MCC: variants seen among roughly 807,000 people sequenced by gnomAD.
MCC encodes colorectal mutant cancer protein.
A neutral mutation model predicts 116.2 loss-of-function variants in MCC; 90 were observed. That is an observed-to-expected ratio of 0.77 (90% CI 0.65 to 0.92). MCC has a LOEUF of 0.92. MCC is among the 40% of genes least tolerant of loss of function. The pLI, the probability that MCC is intolerant of heterozygous loss-of-function variation, is 0.00. For synonymous variants in MCC, 578 were observed against 510.5 expected (o/e 1.13, Z -1.78); for missense variants, 1,516 against 1,312.2 (o/e 1.16, Z -2.40).
chr5:113,121,438 A>G lies in MCC; in HGVS notation c.1027+1246T>C, dbSNP rs1692476779. Reference sequence around the variant, plus strand: ...CCCCTCTCACACCTCTGTGTCCTCCATCCATGAGGATCTTCAGTCACCTCC... The same window carrying G: ...CCCCTCTCACACCTCTGTGTCCTCCGTCCATGAGGATCTTCAGTCACCTCC... On this transcript the variant is annotated intron_variant, in intron 6 of 18. Transcript: ENST00000408903. Among the ~76,000 whole-genome samples the G allele has an allele frequency of 2.0e-5, 3 of 152,038 alleles. No individual in the cohort carries two copies. In the South Asian group the frequency reaches 6.2e-4, roughly 32 times the overall value.
chr5:113,202,307 G>C (rs562238836), intron 3 of MCC, among the ~76,000 whole-genome samples: 1 of 152,098 alleles, frequency 6.6e-6, no homozygotes, highest in South Asian at 2.1e-4. Flanking sequence ...TATAGGAAAT[G>C]ACTTTTTACT....
intron 3 of MCC, among the ~76,000 whole-genome samples, chr5:113,207,162 T>G (rs2150321808): frequency 6.6e-6 from 1 of 152,296 alleles, no homozygotes; most frequent in African/African-American, 2.4e-5. Flanking sequence ...ATTTGGGGGT[T>G]AGAGACTTTG....
chr5:113,105,627 C>G (rs543388489), intron 6 of MCC, among the ~76,000 whole-genome samples: 1 of 152,160 alleles, frequency 6.6e-6, no homozygotes, highest in African/African-American at 2.4e-5. Flanking sequence ...AAATCCAATT[C>G]ATCTTGTGAC....
At position 113,168,122 on chromosome 5, in the gene MCC, T is replaced by C. The variant is rs1036894284; in HGVS notation, c.628-16700A>G. Among the ~76,000 whole-genome samples, 3 of 152,150 alleles carry C rather than the reference T, an allele frequency of 2.0e-5. No homozygotes were observed. The East Asian group carries it at 5.8e-4, about 29-fold the overall frequency. On this transcript the variant is annotated intron_variant, in intron 3 of 18. Transcript: ENST00000408903. ...AACACACAGGCTTTGAGTATCCTTA[T>C]AAAGCAACAAAGTTATGCTGGATTT... is the stretch of plus-strand genomic sequence containing the variant.
At chr5:113,182,598 GA>G (rs1208416975) in intron 3 of MCC, among the ~76,000 whole-genome samples, 4 of 145,902 alleles carry the variant, frequency 2.7e-5, no homozygotes, top group Admixed American at 1.4e-4. Context: ...CTATCTCAAA[GA>G]AAAAAAAAAG....
At chr5:113,170,467 A>G (rs1343665883) in intron 3 of MCC, among the ~76,000 whole-genome samples, 6 of 152,146 alleles carry the variant, frequency 3.9e-5, no homozygotes, top group African/African-American at 1.4e-4. Context: ...CTGTGGCGTC[A>G]TTAAAGTCCC....
chr5:113,221,131 G>A (rs542878366), intron 3 of MCC, among the ~76,000 whole-genome samples: 10 of 152,358 alleles, frequency 6.6e-5, no homozygotes, highest in Non-Finnish European at 1.2e-4. Context: ...CTGAGCTGGG[G>A]AAGTCAAGGC....
intron 14 of MCC, among the ~76,000 whole-genome samples, chr5:113,059,958 C>G (rs1293870429): frequency 3.9e-5 from 6 of 152,214 alleles, no homozygotes; most frequent in East Asian, 3.9e-4. Flanking sequence ...GTCCTCAAGA[C>G]AGTCCCCCAG....
intron 3 of MCC, among the ~76,000 whole-genome samples, chr5:113,324,897 G>A (rs563907773): frequency 1.2e-3 from 176 of 151,114 alleles, no homozygotes; most frequent in African/African-American, 4.0e-3. Flanking sequence ...CGGTGGTGCA[G>A]TCATAGCTCA....
chr5:113,341,580 T>C (rs975708075), intron 2 of MCC, among the ~76,000 whole-genome samples: 12 of 152,268 alleles, frequency 7.9e-5, no homozygotes, highest in African/African-American at 1.9e-4. Context: ...TTCTGGGCAA[T>C]AGAATATGAA....
chr5:113,221,108 G>A (rs965896554), intron 3 of MCC, among the ~76,000 whole-genome samples: 7 of 152,250 alleles, frequency 4.6e-5, no homozygotes, highest in Admixed American at 2.6e-4. Context: ...GGAGACTGAG[G>A]TGGGAGAATC....
chr5:113,104,141 A>G, intron 7 of MCC, 51 bp downstream of exon 7: 1 of 1,518,502 alleles, frequency 6.6e-7, no homozygotes, highest in Non-Finnish European at 8.9e-7. Flanking sequence ...GGATTGGACC[A>G]TTTCCCTTTC....
intron 3 of MCC, among the ~76,000 whole-genome samples, chr5:113,249,578 T>C (rs561641305): frequency 6.6e-6 from 1 of 152,330 alleles, no homozygotes; most frequent in South Asian, 2.1e-4. Context: ...ATATTTTCTC[T>C]TCTGTGCCTC....
At chr5:113,067,653 A>C (rs1468636061) in intron 13 of MCC, among the ~76,000 whole-genome samples, 1 of 152,184 alleles carries the variant, frequency 6.6e-6, no homozygotes, top group Non-Finnish European at 1.5e-5. Flanking sequence ...AACAAACAAA[A>C]AAAACAACTA....
intron 5 of MCC, among the ~76,000 whole-genome samples, chr5:113,141,567 C>T (rs558240639): frequency 5.1e-4 from 77 of 152,300 alleles, no homozygotes; most frequent in Admixed American, 2.4e-3. Context: ...GCTCAGAGGA[C>T]AAGGAGAGCC....
chr5:113,346,871 G>A (rs528067952), intron 2 of MCC, among the ~76,000 whole-genome samples: 3 of 151,860 alleles, frequency 2.0e-5, no homozygotes, highest in Non-Finnish European at 4.4e-5. Context: ...CAATATGTCT[G>A]GAAGCAGACT....
intron 8 of MCC, among the ~76,000 whole-genome samples, chr5:113,101,049 C>T (rs80297463): frequency 0.018 from 2,706 of 152,178 alleles, 43 homozygotes; most frequent in African/African-American, 0.043. Context: ...ACAATTCTGC[C>T]GAACATTTCT....
chr5:113,050,843 A>G (rs918669153), intron 15 of MCC, among the ~76,000 whole-genome samples: 4 of 152,216 alleles, frequency 2.6e-5, no homozygotes, highest in African/African-American at 4.8e-5. Flanking sequence ...CAGGCCCTCC[A>G]CCCGGGGGCT....
chr5:113,151,441 G>T lies in MCC; in HGVS notation c.628-19C>A. 1 of 1,302,074 alleles carries T rather than the reference G, an allele frequency of 7.7e-7. No homozygotes were observed. The highest frequency in any genetic ancestry group is 1.1e-6 in the Non-Finnish European group (1 of 902,232). The allele number at this position is 1,302,074 out of a possible 1,614,324, so 80.7% of individuals were successfully genotyped here. On this transcript the variant is annotated intron_variant, in intron 3 of 18. Transcript: ENST00000408903. ...AATGGAGCTGTGGTGACAGAAAGGA[G>T]GAGATTAGAGTATTGTAGCAGAGAT...
Sources: gnomAD v4.1 joint callset for allele counts (sites outside exome capture counted in the v4.1 genomes callset) on GRCh38, gnomAD v4.1.1 for gene constraint, MANE v1.5 for transcripts, NCBI Gene and HGNC (gene_info 2026-07-23, HGNC 2026-07-21) for gene names.